The following CUL1 variants were observed in gnomAD, a reference collection of about 807,000 sequenced individuals.
CUL1 encodes the protein cullin 1, also known as cullin-1.
Under a neutral mutation model 118.0 loss-of-function variants are expected in CUL1, and 24 were observed. That is an observed-to-expected ratio of 0.20 (90% CI 0.15 to 0.29). The LOEUF (loss-of-function observed/expected upper bound fraction) is 0.29, where lower values mean the gene tolerates loss of function less well. Among genes scored for constraint, CUL1 ranks in the 10% least tolerant of loss-of-function variants. CUL1 has a pLI of 1.00. For missense variants in CUL1, 361 were observed against 933.8 expected (o/e 0.39, Z 7.99); for synonymous variants, 332 against 340.4 (o/e 0.98, Z 0.27).
chr7:148,730,341 T>C, intron 2 of CUL1, 79 bp downstream of exon 2: 1 of 1,425,736 alleles, frequency 7.0e-7, no homozygotes, highest in Non-Finnish European at 9.4e-7. Context: ...ATTAGAATTT[T>C]ATATTGTTTT....
At chr7:148,735,285 G>T (rs191664712) in intron 2 of CUL1, among the ~76,000 whole-genome samples, 2 of 152,354 alleles carry the variant, frequency 1.3e-5, no homozygotes, top group East Asian at 3.8e-4. Flanking sequence ...GGAGCCTGCG[G>T]CTGTGCTTTG....
chr7:148,754,662 T>G (rs1563159967), intron 3 of CUL1, among the ~76,000 whole-genome samples: 1 of 152,188 alleles, frequency 6.6e-6, no homozygotes, highest in Non-Finnish European at 1.5e-5. Flanking sequence ...GGTGTAGAAA[T>G]AATTGTAAGG....
chr7:148,749,853 G>A (rs1420785087), intron 2 of CUL1, among the ~76,000 whole-genome samples: 1 of 152,272 alleles, frequency 6.6e-6, no homozygotes, highest in Admixed American at 6.5e-5. Flanking sequence ...AGTTAGCCAA[G>A]TTGTGAATGC....
At chr7:148,718,633 G>T (rs563585837) in intron 1 of CUL1, among the ~76,000 whole-genome samples, 116 of 152,154 alleles carry the variant, frequency 7.6e-4, no homozygotes, top group Non-Finnish European at 1.3e-3. Flanking sequence ...CCATTCACCT[G>T]TTGGTGGACA....
rs577816402 is a variant in CUL1, at chr7:148,793,171, C to T, written c.1899+353C>T. ...ACCCTGTCTCTTAAAAATAAAACTA[C>T]GTGTAACACACACACACATACTCCT... On this transcript the variant is annotated intron_variant, in intron 17 of 21. Coordinates refer to ENST00000325222, the MANE Select transcript of CUL1 (RefSeq NM_003592.3). Among the ~76,000 whole-genome samples the T allele has an allele frequency of 5.3e-5, 8 of 152,206 alleles. No homozygotes were observed. The East Asian group carries it at 1.5e-3, about 29-fold the overall frequency.
chr7:148,752,409 T>A (rs1374839736), intron 2 of CUL1, among the ~76,000 whole-genome samples: 1 of 152,054 alleles, frequency 6.6e-6, no homozygotes, highest in Non-Finnish European at 1.5e-5. Flanking sequence ...TCTGTGATTC[T>A]CTATACAATT....
chr7:148,797,818 T>C lies in CUL1; in HGVS notation c.1906T>C (p.Leu636=), dbSNP rs1229536640. The change falls in exon 18 of 22, where the codon TTG becomes CTG. Residue 636 remains leucine (L), a synonymous_variant. Coordinates refer to ENST00000325222, the MANE Select transcript of CUL1 (RefSeq NM_003592.3). ...TTTTTCTCTTTAATTGCAGGACATT[T>C]TGGCGCAAGTTTTACAGATTTTATT... ...TDSTQIKMDI[L]AQVLQILLKS... is the part of the protein sequence containing the mutation. 1 of 1,613,346 alleles carries C rather than the reference T, an allele frequency of 6.2e-7. No individual in the cohort carries two copies. The highest frequency in any genetic ancestry group is 1.3e-5 in the African/African-American group (1 of 74,890).
rs868379383 is a variant in CUL1 at position 148,799,292 on chromosome 7, C to T, written c.2154C>T (p.Ile718=). The change falls in exon 21 of 22, where the codon ATC becomes ATT. Residue 718 remains isoleucine, a synonymous_variant. Coordinates refer to ENST00000325222, the MANE Select transcript of CUL1 (RefSeq NM_003592.3). ...KLLIQAAIVR[I]MKMRKVLKHQ... ...TTGCATAGGCGGCCATCGTGAGAAT[C>T]ATGAAGATGAGGAAGGTTCTGAAAC... 1 of 1,613,844 alleles carries T rather than the reference C, an allele frequency of 6.2e-7. No individual in the cohort carries two copies. Among genetic ancestry groups the T allele is most frequent in the Non-Finnish European group, 8.5e-7 (1 of 1,179,778 alleles).
At chr7:148,773,276 A>T (rs906925839) in intron 9 of CUL1, among the ~76,000 whole-genome samples, 1 of 151,992 alleles carries the variant, frequency 6.6e-6, no homozygotes, top group African/African-American at 2.4e-5. Context: ...AAACTATTAT[A>T]ATATCATTCC....
At chr7:148,797,625 GA>G (rs1337299813) in intron 17 of CUL1, among the ~76,000 whole-genome samples, 186 bp from the exon 18 acceptor site, 1 of 151,816 alleles carries the variant, frequency 6.6e-6, no homozygotes, top group African/African-American at 2.4e-5. Flanking sequence ...AGTCAGGGTG[GA>G]AGGAAGCAGT....
chr7:148,707,579 G>A (rs1022343220), intron 1 of CUL1, among the ~76,000 whole-genome samples: 2 of 151,854 alleles, frequency 1.3e-5, no homozygotes, highest in African/African-American at 2.4e-5. Flanking sequence ...TTGCTGCACC[G>A]ATCAACCCAT....
intron 1 of CUL1, among the ~76,000 whole-genome samples, chr7:148,719,829 T>C (rs1798343537): frequency 1.3e-5 from 2 of 152,218 alleles, no homozygotes; most frequent in South Asian, 4.1e-4. Flanking sequence ...ACCTGTCTTT[T>C]TGCATGCTTC....
intron 7 of CUL1, among the ~76,000 whole-genome samples, chr7:148,763,277 A>G (rs993484908): frequency 2.6e-5 from 4 of 152,212 alleles, no homozygotes; most frequent in African/African-American, 9.6e-5. Flanking sequence ...TGTGCTTCCT[A>G]CATCCTGGTT....
At chr7:148,791,978 G>A (rs1371486704) in intron 16 of CUL1, among the ~76,000 whole-genome samples, 1 of 152,148 alleles carries the variant, frequency 6.6e-6, no homozygotes, top group Non-Finnish European at 1.5e-5. Flanking sequence ...CACAAGGTCA[G>A]GAGTTCGAGA....
intron 9 of CUL1, among the ~76,000 whole-genome samples, chr7:148,782,121 G>A (rs1800660628): frequency 1.3e-5 from 2 of 152,202 alleles, no homozygotes; most frequent in Non-Finnish European, 2.9e-5. Flanking sequence ...CAGAAGGAAG[G>A]CAGAGAGAAG....
chr7:148,780,597 A>C (rs911787531), intron 9 of CUL1, among the ~76,000 whole-genome samples: 9 of 152,336 alleles, frequency 5.9e-5, no homozygotes, highest in African/African-American at 2.2e-4. Context: ...TGGAAATCCC[A>C]TGATAGCCCA....
intron 1 of CUL1, among the ~76,000 whole-genome samples, chr7:148,702,301 T>G (rs1370503095): frequency 6.6e-6 from 1 of 152,244 alleles, no homozygotes; most frequent in Non-Finnish European, 1.5e-5. Flanking sequence ...GTCATTTATT[T>G]TTGCTTAGGT....
At chr7:148,716,870 A>G (rs1243861014) in intron 1 of CUL1, among the ~76,000 whole-genome samples, 2 of 152,156 alleles carry the variant, frequency 1.3e-5, no homozygotes, top group Non-Finnish European at 2.9e-5. Flanking sequence ...ACAAAACTTG[A>G]ATTTACCACT....
chr7:148,732,488 C>A (rs974321689), intron 2 of CUL1, among the ~76,000 whole-genome samples: 4 of 151,582 alleles, frequency 2.6e-5, no homozygotes, highest in African/African-American at 9.7e-5. Context: ...ACCACAGGCA[C>A]GCACCATCAT....
Sources: gnomAD v4.1 joint callset for allele counts (sites outside exome capture counted in the v4.1 genomes callset) on GRCh38, gnomAD v4.1.1 for gene constraint, MANE v1.5 for transcripts, NCBI Gene and HGNC (gene_info 2026-07-23, HGNC 2026-07-21) for gene names.